Variants in UBQLN1 observed in about 807,000 individuals in gnomAD.
The protein encoded by UBQLN1 is ubiquilin 1, also known as ubiquilin-1.
UBQLN1 carries 13 observed loss-of-function variants against 65.4 expected under a neutral mutation model. That is an observed-to-expected ratio of 0.20 (90% CI 0.13 to 0.32). The LOEUF is 0.32. Among genes scored for constraint, UBQLN1 ranks in the 10% least tolerant of loss-of-function variants. The pLI is 1.00. For synonymous variants in UBQLN1, 267 were observed against 247.8 expected (o/e 1.08, Z -0.73); for missense variants, 561 against 724.0 (o/e 0.77, Z 2.58).
At chr9:83,700,402 T>C (rs1465267354) in intron 1 of UBQLN1, among the ~76,000 whole-genome samples, 1 of 152,208 alleles carries the variant, frequency 6.6e-6, no homozygotes, top group Non-Finnish European at 1.5e-5. Flanking sequence ...TGAATATGTA[T>C]TATTGTACAT....
chr9:83,676,696 T>A (rs1244613170), intron 6 of UBQLN1, among the ~76,000 whole-genome samples: 2 of 152,188 alleles, frequency 1.3e-5, no homozygotes, highest in Non-Finnish European at 2.9e-5. Flanking sequence ...AATGAATTTT[T>A]AAAAATTCTT....
Position 83,698,694 on chromosome 9 carries a change from G to A in UBQLN1, c.180+8806C>T, listed in dbSNP as rs146091499. ...TTTTGGGAGACCAAGGGGGCAGATCGCTTGAGCTCAGGAGTTTGAGACCAA... is the reference window on the plus strand; with the variant it reads ...TTTTGGGAGACCAAGGGGGCAGATCACTTGAGCTCAGGAGTTTGAGACCAA... On this transcript the variant is annotated intron_variant, in intron 1 of 10. Transcript: ENST00000376395. Among the ~76,000 whole-genome samples, 112 of 152,120 alleles carry A rather than the reference G, an allele frequency of 7.4e-4. No individual in the cohort carries two copies. The East Asian group carries it at 0.017, about 23-fold the overall frequency.
At chr9:83,683,878 G>A (rs1040914955) in intron 2 of UBQLN1, among the ~76,000 whole-genome samples, 14 of 152,064 alleles carry the variant, frequency 9.2e-5, no homozygotes, top group African/African-American at 2.9e-4. Context: ...AAAATTAGCC[G>A]GGCATGGTGG....
At chr9:83,673,260 C>T (rs542745697) in intron 6 of UBQLN1, among the ~76,000 whole-genome samples, 1 of 150,718 alleles carries the variant, frequency 6.6e-6, no homozygotes, top group African/African-American at 2.4e-5. Flanking sequence ...AATTTTTGGT[C>T]GGGTGCAGTG....
intron 4 of UBQLN1, among the ~76,000 whole-genome samples, chr9:83,679,078 C>A (rs753402137): frequency 6.6e-6 from 1 of 152,134 alleles, no homozygotes; most frequent in Non-Finnish European, 1.5e-5. Flanking sequence ...CCACAACAAA[C>A]CAAAATAGAG....
At position 83,685,499 on chromosome 9, in the gene UBQLN1, T is replaced by C. The variant is rs558360570; in HGVS notation, c.332+505A>G. Among the ~76,000 whole-genome samples the C allele has an allele frequency of 3.3e-5, 5 of 152,092 alleles. No homozygotes were observed. In the East Asian group the frequency reaches 7.7e-4, roughly 23 times the overall value. On this transcript the variant is annotated intron_variant, in intron 2 of 10. Coordinates refer to ENST00000376395, the MANE Select transcript of UBQLN1 (RefSeq NM_013438.5). ...ATTCTTTCTTAGTGATACACAAAGG[T>C]ATCTCTTTAAAACTGGTGGTGCCAG...
chr9:83,675,324 A>G (rs556438518), intron 6 of UBQLN1, among the ~76,000 whole-genome samples: 2 of 152,332 alleles, frequency 1.3e-5, no homozygotes, highest in East Asian at 3.9e-4. Flanking sequence ...TTTGTTAGAG[A>G]GTTGGTAATG....
intron 10 of UBQLN1, among the ~76,000 whole-genome samples, chr9:83,663,136 GAAAGGGA>G (rs1831588710): frequency 1.3e-5 from 2 of 150,240 alleles, no homozygotes; most frequent in African/African-American, 4.9e-5. Flanking sequence ...AGGGGAAGAG[GAAAGGGA>G]AAAGGGAAAG....
chr9:83,670,921 T>C (rs779506759), intron 6 of UBQLN1, among the ~76,000 whole-genome samples: 8 of 152,238 alleles, frequency 5.3e-5, no homozygotes, highest in Admixed American at 2.0e-4. Context: ...AGTTTTTTCA[T>C]GGCATTGTAG....
chr9:83,671,334 CAGA>C (rs1364392566), intron 6 of UBQLN1, among the ~76,000 whole-genome samples: 1 of 152,158 alleles, frequency 6.6e-6, no homozygotes, highest in African/African-American at 2.4e-5. Context: ...GAATCCTTTC[CAGA>C]AGGTTTTCAA....
At chr9:83,674,123 G>A (rs540806271) in intron 6 of UBQLN1, among the ~76,000 whole-genome samples, 1 of 151,386 alleles carries the variant, frequency 6.6e-6, no homozygotes, top group Admixed American at 6.6e-5. Context: ...CTGTTGTTCA[G>A]TATACTACTA....
At chr9:83,689,067 T>C (rs2131173385) in intron 1 of UBQLN1, among the ~76,000 whole-genome samples, 1 of 152,320 alleles carries the variant, frequency 6.6e-6, no homozygotes, top group East Asian at 1.9e-4. Flanking sequence ...ATCTATACCC[T>C]ACAGCTATCA....
chr9:83,677,531 C>CA (rs1831855408), intron 6 of UBQLN1, among the ~76,000 whole-genome samples, 196 bp downstream of exon 6: 1 of 152,132 alleles, frequency 6.6e-6, no homozygotes, highest in African/African-American at 2.4e-5. Context: ...CATTGTACTC[C>CA]AGCCTGTGCA....
chr9:83,706,425 TTC>T (rs1451889904), intron 1 of UBQLN1, among the ~76,000 whole-genome samples: 1 of 152,166 alleles, frequency 6.6e-6, no homozygotes, highest in Admixed American at 6.5e-5. Flanking sequence ...TGGTAAAAGT[TTC>T]TCTCATTTGA....
chr9:83,705,263 G>A (rs755966937), intron 1 of UBQLN1, among the ~76,000 whole-genome samples: 1 of 34,010 alleles, frequency 2.9e-5, no homozygotes, highest in Non-Finnish European at 6.0e-5. Context: ...TTTTTGAAAC[G>A]GAGTTTCACT....
intron 10 of UBQLN1, among the ~76,000 whole-genome samples, chr9:83,662,821 C>T (rs763902059): frequency 2.0e-5 from 3 of 152,324 alleles, no homozygotes; most frequent in African/African-American, 4.8e-5. Context: ...CGCCTGTAAT[C>T]CCAGCACTTT....
At chr9:83,689,441 A>G (rs2131173829) in intron 1 of UBQLN1, among the ~76,000 whole-genome samples, 1 of 152,348 alleles carries the variant, frequency 6.6e-6, no homozygotes, top group East Asian at 1.9e-4. Flanking sequence ...AAAGCTATGA[A>G]CAATTAACAT....
chr9:83,704,418 A>G (rs1832362388), intron 1 of UBQLN1, among the ~76,000 whole-genome samples: 1 of 152,242 alleles, frequency 6.6e-6, no homozygotes, highest in African/African-American at 2.4e-5. Flanking sequence ...TGTGGTGATA[A>G]GCGTCAATTT....
chr9:83,678,647 C>T (rs763515754), intron 4 of UBQLN1, 48 bp from the exon 5 acceptor site: 4 of 1,546,402 alleles, frequency 2.6e-6, no homozygotes, highest in South Asian at 1.2e-5. Context: ...CATTGAAATA[C>T]ACATGAATTA....
Sources: allele counts gnomAD v4.1 joint callset (sites outside exome capture counted in the v4.1 genomes callset), GRCh38; gene constraint gnomAD v4.1.1; transcripts MANE v1.5; gene names NCBI Gene and HGNC (gene_info 2026-07-23, HGNC 2026-07-21).